The following HSPA4L variants were observed in gnomAD, a reference collection of about 807,000 sequenced individuals.
HSPA4L encodes the protein heat shock protein family A (Hsp70) member 4 like.
HSPA4L carries 48 observed loss-of-function variants against 100.3 expected under a neutral mutation model. That is an observed-to-expected ratio of 0.48 (90% CI 0.38 to 0.61). The LOEUF (loss-of-function observed/expected upper bound fraction) is 0.61. Among genes scored for constraint, HSPA4L ranks in the 20% least tolerant of loss-of-function variants. HSPA4L has a pLI of 0.00. For missense variants in HSPA4L, 886 were observed against 988.6 expected (o/e 0.90, Z 1.39); for synonymous variants, 319 against 328.2 (o/e 0.97, Z 0.30).
chr4:127,818,477 G>T, intron 13 of HSPA4L, 57 bp downstream of exon 13: 1 of 1,087,290 alleles, frequency 9.2e-7, no homozygotes, highest in South Asian at 1.5e-5. Flanking sequence ...TTGAATTATT[G>T]TATTTAATGC....
intron 11 of HSPA4L, among the ~76,000 whole-genome samples, chr4:127,810,393 T>C (rs1011479709): frequency 2.0e-5 from 3 of 152,204 alleles, no homozygotes; most frequent in Non-Finnish European, 4.4e-5. Context: ...TACCACAAGC[T>C]AGGTGGCTTA....
At chr4:127,799,749 A>T (rs1206401155) in intron 4 of HSPA4L, among the ~76,000 whole-genome samples, 3 of 152,194 alleles carry the variant, frequency 2.0e-5, no homozygotes, top group Non-Finnish European at 2.9e-5. Flanking sequence ...TGGTTGGTGC[A>T]GTAGACCCAT....
intron 12 of HSPA4L, among the ~76,000 whole-genome samples, chr4:127,815,449 G>A (rs72918289): frequency 0.027 from 4,126 of 151,322 alleles, 194 homozygotes; most frequent in African/African-American, 0.096. Context: ...TACTCAGGAC[G>A]CTGGGGCTGG....
chr4:127,827,236 AG>A, intron 16 of HSPA4L, 68 bp from the exon 17 acceptor site: 4 of 1,248,010 alleles, frequency 3.2e-6, no homozygotes, highest in Non-Finnish European at 4.6e-6. Flanking sequence ...TCATCCTATA[AG>A]GGCCCTATAA....
intron 1 of HSPA4L, among the ~76,000 whole-genome samples, chr4:127,783,181 CTTT>C (rs11301869): frequency 8.9e-5 from 13 of 146,032 alleles, no homozygotes; most frequent in Admixed American, 2.0e-4. Context: ...CCCCGAAAGC[CTTT>C]TTTTTTTTTT....
At chr4:127,811,727 T>C (rs999767676) in intron 12 of HSPA4L, 91 bp downstream of exon 12, 3 of 924,978 alleles carry the variant, frequency 3.2e-6, no homozygotes, top group Non-Finnish European at 4.9e-6. Context: ...TTGAATACAT[T>C]ACTCTCTGAG....
rs759199099 is a variant in HSPA4L at position 127,832,972 on chromosome 4, A to G, written c.*98A>G. 71 of 843,658 alleles carry G rather than the reference A, an allele frequency of 8.4e-5. No individual in the cohort carries two copies. The highest frequency in any genetic ancestry group is 1.2e-4 in the Non-Finnish European group (66 of 573,624). 52.3% of individuals were successfully genotyped at this position (843,658 alleles called of 1,614,324 possible). A position where few individuals can be genotyped will look rare whatever the true frequency, so the allele number is the denominator to read the frequency against. On this transcript the variant is annotated 3_prime_UTR_variant, in exon 19 of 19. Coordinates refer to ENST00000296464, the MANE Select transcript of HSPA4L (RefSeq NM_014278.4). The stretch of plus-strand genomic sequence containing the variant: ...CACAACAGACGCTCAGTTGTTCTTA[A>G]CCACTTTTGTCATTTGTTTTTTGGA...
At chr4:127,818,458 A>G (rs1488555485) in intron 13 of HSPA4L, 38 bp downstream of exon 13, 2 of 1,296,254 alleles carry the variant, frequency 1.5e-6, no homozygotes, top group Non-Finnish European at 2.2e-6. Context: ...TCTTTTTGAA[A>G]TTGATATTTT....
chr4:127,786,544 C>T (rs1484612341), intron 1 of HSPA4L, among the ~76,000 whole-genome samples: 2 of 152,224 alleles, frequency 1.3e-5, no homozygotes, highest in Non-Finnish European at 2.9e-5. Flanking sequence ...TAGCTCACTG[C>T]AGCCTTGAGT....
chr4:127,832,782 A>T lies in HSPA4L; in HGVS notation c.2428A>T (p.Met810Leu). The T allele has an allele frequency of 1.2e-6, 2 of 1,613,850 alleles. No individual in the cohort carries two copies. Among genetic ancestry groups the T allele is most frequent in the Non-Finnish European group, 1.7e-6 (2 of 1,179,818 alleles). Residue 810 changes from methionine to leucine, a missense_variant, in exon 19 of 19, where the codon ATG (methionine) becomes TTG (leucine). Transcript: ENST00000296464. ...AGCTAATAGTGAACACAATGGCCCA[A>T]TGGATGGACAGAGTGGAACTGAAAC... ...PKANSEHNGP[M>L]DGQSGTETKS...
Position 127,805,667 on chromosome 4 carries a change from G to T in HSPA4L, c.1138-20G>T. 1 of 1,545,176 alleles carries T rather than the reference G, an allele frequency of 6.5e-7. No individual in the cohort carries two copies. Among genetic ancestry groups the T allele is most frequent in the Non-Finnish European group, 8.9e-7 (1 of 1,119,272 alleles). ...GTTTTGTATTTGTTGATTTAAATAT[G>T]GTATACATCTTATTTTCAGTGTGCG... On this transcript the variant is annotated intron_variant, in intron 9 of 18. Coordinates refer to ENST00000296464, the MANE Select transcript of HSPA4L (RefSeq NM_014278.4).
In HSPA4L at chr4:127,827,383, A is replaced by T; in HGVS notation, c.2125A>T (p.Ile709Phe). Residue 709 changes from isoleucine to phenylalanine, a missense_variant, in exon 17 of 19, where the codon ATC (isoleucine) becomes TTC (phenylalanine). Coordinates refer to ENST00000296464, the MANE Select transcript of HSPA4L (RefSeq NM_014278.4). ...AGCCTTAAATGACTTGGGAAAAAAG[A>T]TCCAACTTGTCATGAAAGTGATAGA... ...PKALNDLGKK[I>F]QLVMKVIEAY... 3 of 1,613,786 alleles carry T rather than the reference A, an allele frequency of 1.9e-6. No homozygotes were observed. Among genetic ancestry groups the T allele is most frequent in the Non-Finnish European group, 2.5e-6 (3 of 1,179,740 alleles).
Position 127,820,467 on chromosome 4 carries a change from CT to C in HSPA4L, c.1716del (p.Gly575GlufsTer18). 1 of 1,604,138 alleles carries C rather than the reference CT, an allele frequency of 6.2e-7. No homozygotes were observed. Reference protein sequence around the residue: ...SDKQDRLNQTLKKGKVKSIDL... With the variant: ...SDKQDRLNQTXKKGKVKSIDL... ...CAAACAAGACCGATTAAATCAGACA[CT>C]TAAAAAAGGAAAAGTCAAAAGTATT... On this transcript the variant is annotated frameshift_variant, in exon 14 of 19. Transcript: ENST00000296464. LOFTEE classifies it high-confidence loss of function.
At chr4:127,793,571 AAT>A (rs1419026418) in intron 1 of HSPA4L, among the ~76,000 whole-genome samples, 1 of 152,216 alleles carries the variant, frequency 6.6e-6, no homozygotes, top group African/African-American at 2.4e-5. Context: ...GAATTTACAT[AAT>A]GTTTACTATG....
chr4:127,820,158 A>G lies in HSPA4L; in HGVS notation c.1675-270A>G, dbSNP rs372812885. Among the ~76,000 whole-genome samples, 7 of 152,162 alleles carry G rather than the reference A, an allele frequency of 4.6e-5. No homozygotes were observed. In the South Asian group the frequency reaches 1.2e-3, roughly 27 times the overall value. On this transcript the variant is annotated intron_variant, in intron 13 of 18. Transcript: ENST00000296464. ...CAGTTTCCCCACATCCTCAACTAAC[A>G]CTTATTATTTTATATTTTTTAATTG...
chr4:127,795,085 G>A (rs1302560547), intron 2 of HSPA4L, among the ~76,000 whole-genome samples: 1 of 151,866 alleles, frequency 6.6e-6, no homozygotes, highest in Non-Finnish European at 1.5e-5. Flanking sequence ...CAACATGGTA[G>A]TACATGAAGA....
In HSPA4L at chr4:127,782,429, C is replaced by G; in HGVS notation, c.-122C>G. On this transcript the variant is annotated 5_prime_UTR_variant, in exon 1 of 19. Coordinates refer to ENST00000296464, the MANE Select transcript of HSPA4L (RefSeq NM_014278.4). ...CTGCCCTAGATTTTCTGCTTAGCGA[C>G]TTGGGGTCCCCTCTCGTTTGCTTCT... 1.3e-6 allele frequency: 1 copy of G among 767,944 alleles called. No homozygotes were observed. The highest frequency in any genetic ancestry group is 2.2e-6 in the Non-Finnish European group (1 of 445,686). 47.6% of individuals were successfully genotyped at this position (767,944 alleles called of 1,614,324 possible).
intron 1 of HSPA4L, among the ~76,000 whole-genome samples, chr4:127,782,956 G>A (rs1732608663): frequency 6.6e-6 from 1 of 152,126 alleles, no homozygotes. Context: ...CGCCTCTTTT[G>A]CTTGCGAGGA....
chr4:127,783,742 T>A, intron 1 of HSPA4L: 1 of 1,396,132 alleles, frequency 7.2e-7, no homozygotes, highest in Non-Finnish European at 9.8e-7. Flanking sequence ...TTAACTATAC[T>A]AAAACAAGGT....
Sources: allele counts gnomAD v4.1 joint callset (sites outside exome capture counted in the v4.1 genomes callset), GRCh38; gene constraint gnomAD v4.1.1; transcripts MANE v1.5; gene names NCBI Gene and HGNC (gene_info 2026-07-23, HGNC 2026-07-21).